Variants in BACH2 observed in about 807,000 individuals in gnomAD.
BACH2 encodes the protein transcription regulator protein BACH2.
BACH2 carries 5 observed loss-of-function variants against 61.8 expected under a neutral mutation model. That is an observed-to-expected ratio of 0.08 (90% confidence interval 0.04 to 0.17). The LOEUF is 0.17. Among genes scored for constraint, BACH2 ranks in the 10% least tolerant of loss-of-function variants. BACH2 has a pLI of 1.00. For missense variants in BACH2, 824 were observed against 1,091.1 expected (o/e 0.76, Z 3.45); for synonymous variants, 446 against 440.1 (o/e 1.01, Z -0.17).
rs930937458 is a variant in BACH2, at chr6:90,070,414, T to C, written c.-13+18547A>G. ...CTCCTTGAGGAAGTAGCTGGTTCCC[T>C]TCTTTTCACCCCATCCTCAGCTTTA... On this transcript the variant is annotated intron_variant, in intron 5 of 8. Coordinates refer to ENST00000257749, the MANE Select transcript of BACH2 (RefSeq NM_021813.4). 1.3e-5 allele frequency among the ~76,000 whole-genome samples: 2 copies of C among 152,128 alleles called. 1 individual carries two copies. Among genetic ancestry groups the C allele is most frequent in the Admixed American group, 1.3e-4 (2 of 15,260 alleles).
At chr6:90,270,763 T>C (rs1038609209) in intron 2 of BACH2, among the ~76,000 whole-genome samples, 61 of 152,072 alleles carry the variant, frequency 4.0e-4, no homozygotes, top group African/African-American at 1.4e-3. Context: ...AAGGTACACA[T>C]AGCCAATAGA....
chr6:89,980,131 C>T (rs183711730), intron 6 of BACH2, among the ~76,000 whole-genome samples: 1 of 151,876 alleles, frequency 6.6e-6, no homozygotes, highest in East Asian at 1.9e-4. Flanking sequence ...CCCATCTCTA[C>T]AAAAATACAA....
In BACH2 at chr6:90,296,715, C is replaced by T. The variant is rs1477122867; in HGVS notation, c.-681G>A. On this transcript the variant is annotated 5_prime_UTR_variant, in exon 1 of 9. Coordinates refer to ENST00000257749, the MANE Select transcript of BACH2 (RefSeq NM_021813.4). The stretch of plus-strand genomic sequence containing the variant: ...AGAGCGGGGCGGCGGCGGGAGTGGG[C>T]AGGCGGGGTGGCGAGGGCGGCGGCC... The T allele has an allele frequency of 1.3e-5, 2 of 154,122 alleles. No homozygotes were observed. Among genetic ancestry groups the T allele is most frequent in the Non-Finnish European group, 2.9e-5 (2 of 69,304 alleles). 9.5% of individuals were successfully genotyped at this position (154,122 alleles called of 1,614,324 possible).
intron 4 of BACH2, among the ~76,000 whole-genome samples, chr6:90,189,712 A>T (rs1486803041): frequency 6.6e-6 from 1 of 151,346 alleles, no homozygotes; most frequent in Non-Finnish European, 1.5e-5. Context: ...CTTCCCTACC[A>T]GAAGGAGGAG....
intron 3 of BACH2, among the ~76,000 whole-genome samples, chr6:90,228,328 G>A (rs1769982535): frequency 6.6e-6 from 1 of 152,166 alleles, no homozygotes; most frequent in Admixed American, 6.5e-5. Context: ...CCAATAGTGA[G>A]GCTGATGGTC....
intron 1 of BACH2, among the ~76,000 whole-genome samples, chr6:90,282,020 T>G (rs1771871929): frequency 6.6e-6 from 1 of 152,118 alleles, no homozygotes. Context: ...CTAGTTGATT[T>G]TTCATTGCCA....
intron 6 of BACH2, among the ~76,000 whole-genome samples, chr6:89,976,237 G>A (rs931586525): frequency 7.2e-5 from 11 of 152,224 alleles, no homozygotes. Context: ...CTCTTTGTAC[G>A]CAAGAGCGTG....
At chr6:90,195,381 G>GC (rs1266399617) in intron 4 of BACH2, among the ~76,000 whole-genome samples, 1 of 152,148 alleles carries the variant, frequency 6.6e-6, no homozygotes, top group East Asian at 1.9e-4. Context: ...GAAAAAACAA[G>GC]CACAACCACC....
At chr6:90,153,961 T>C (rs1056839355) in intron 4 of BACH2, among the ~76,000 whole-genome samples, 6 of 152,232 alleles carry the variant, frequency 3.9e-5, no homozygotes, top group African/African-American at 1.4e-4. Context: ...ATTACCCTTT[T>C]ACGGCTTGGT....
At chr6:90,207,040 G>A (rs577551580) in intron 3 of BACH2, among the ~76,000 whole-genome samples, 32 of 152,112 alleles carry the variant, frequency 2.1e-4, no homozygotes, top group African/African-American at 6.7e-4. Flanking sequence ...TTTACATGGC[G>A]TTTTTTGATT....
rs376228004 is a variant in BACH2, at chr6:90,290,304, C to T, written c.-446+6176G>A. ...CTGGTGTATGAAATACTTTCCTTCA[C>T]GAGCAGTGGGTTATCTGTTACTAAC... On this transcript the variant is annotated intron_variant, in intron 1 of 8. Transcript: ENST00000257749. Among the ~76,000 whole-genome samples the T allele has an allele frequency of 2.2e-3, 329 of 152,340 alleles. 12 individuals are homozygous for T. The South Asian group carries it at 0.063, about 29-fold the overall frequency.
At chr6:90,240,490 T>C (rs1169901546) in intron 3 of BACH2, among the ~76,000 whole-genome samples, 1 of 152,226 alleles carries the variant, frequency 6.6e-6, no homozygotes, top group Non-Finnish European at 1.5e-5. Context: ...ATCCTGCTAT[T>C]GTCTGCTTTA....
chr6:90,286,832 A>T (rs1026236295), intron 1 of BACH2, among the ~76,000 whole-genome samples: 2 of 152,182 alleles, frequency 1.3e-5, no homozygotes, highest in African/African-American at 4.8e-5. Flanking sequence ...CAAAAAAAAA[A>T]TTGAGACTTG....
chr6:90,164,995 A>G (rs1350717035), intron 4 of BACH2, among the ~76,000 whole-genome samples: 18 of 152,198 alleles, frequency 1.2e-4, no homozygotes, highest in South Asian at 4.1e-4. Context: ...TCCCTTTGAG[A>G]ACAGTCACAA....
chr6:90,062,065 C>T (rs920055968), intron 5 of BACH2, among the ~76,000 whole-genome samples: 1 of 152,070 alleles, frequency 6.6e-6, no homozygotes, highest in Non-Finnish European at 1.5e-5. Context: ...AGATTTAGTA[C>T]AAAGGGAGAA....
chr6:90,075,760 CA>C lies in BACH2; in HGVS notation c.-13+13200del, dbSNP rs547869926. 3.2e-3 allele frequency among the ~76,000 whole-genome samples: 494 copies of C among 152,218 alleles called. 2 individuals carry two copies. The highest frequency in any genetic ancestry group is 0.011 in the African/African-American group (458 of 41,538). ...GAGATACTTCTCAGGTTTCTTTCAC[CA>C]AGGACAAAATATGACATATACTTAA... On this transcript the variant is annotated intron_variant, in intron 5 of 8. Coordinates refer to ENST00000257749, the MANE Select transcript of BACH2 (RefSeq NM_021813.4).
At chr6:90,073,460 T>C (rs1392063804) in intron 5 of BACH2, among the ~76,000 whole-genome samples, 2 of 152,224 alleles carry the variant, frequency 1.3e-5, no homozygotes, top group African/African-American at 4.8e-5. Context: ...AAACATTTCT[T>C]CAATTAAGAG....
chr6:90,260,346 T>C (rs1411361986), intron 2 of BACH2, among the ~76,000 whole-genome samples: 3 of 152,226 alleles, frequency 2.0e-5, no homozygotes, highest in Non-Finnish European at 4.4e-5. Context: ...GTTCCAGATA[T>C]TTGTGAATTT....
chr6:89,966,679 A>T (rs1696760885), intron 6 of BACH2, among the ~76,000 whole-genome samples: 1 of 152,186 alleles, frequency 6.6e-6, no homozygotes, highest in African/African-American at 2.4e-5. Context: ...AGCCGATACC[A>T]TCTATCAGCA....
Sources: allele counts gnomAD v4.1 joint callset (sites outside exome capture counted in the v4.1 genomes callset), GRCh38; gene constraint gnomAD v4.1.1; transcripts MANE v1.5; gene names NCBI Gene and HGNC (gene_info 2026-07-23, HGNC 2026-07-21).